MYO18A: variants seen among roughly 807,000 people sequenced by gnomAD.
The protein encoded by MYO18A is unconventional myosin-XVIIIa.
In MYO18A, 78 loss-of-function variants were observed where a neutral mutation model predicts 235.8. The ratio of observed to expected loss-of-function variants is 0.33; its 90% CI spans 0.28 to 0.40. MYO18A has a LOEUF of 0.40. Among genes scored for constraint, MYO18A ranks in the 10% least tolerant of loss-of-function variants. The pLI is 1.00. For synonymous variants in MYO18A, 977 were observed against 1,077.8 expected, an observed-to-expected ratio of 0.91 and a Z score of 1.83; for missense variants, 2,215 against 2,699.3, an observed-to-expected ratio of 0.82 and a Z score of 3.98.
At position 29,119,344 on chromosome 17, in the gene MYO18A, C is replaced by T. The variant is rs1388973985; in HGVS notation, c.1820G>A (p.Gly607Asp). 2.5e-6 allele frequency: 4 copies of T among 1,611,484 alleles called. No homozygotes were observed. Among genetic ancestry groups the T allele is most frequent in the South Asian group, 2.2e-5 (2 of 90,560 alleles). ...VFYYLLACGDGTLRTELHLNH... is the reference protein window; with the variant it reads ...VFYYLLACGDDTLRTELHLNH... ...CTCTGACCCATCTCACCTGAGGGTG[C>T]CATCCCCACAGGCCAGCAGGTAGTA... Residue 607 changes from glycine (G) to aspartate (D), a missense_variant, in exon 8 of 42, where the codon GGC becomes GAC. Gly to Asp is a moderately conservative substitution (Grantham distance 94). Transcript: ENST00000527372.
intron 40 of MYO18A, among the ~76,000 whole-genome samples, chr17:29,083,532 GCACA>G (rs57491599): frequency 2.0e-4 from 29 of 144,652 alleles, no homozygotes; most frequent in African/African-American, 5.1e-4. Flanking sequence ...GCGCGCGCGC[GCACA>G]CACACACACA....
Position 29,126,521 on chromosome 17 carries a change from C to T in MYO18A, c.1000-4268G>A, listed in dbSNP as rs900864929. On this transcript the variant is annotated intron_variant, in intron 2 of 41. Coordinates refer to ENST00000527372, the MANE Select transcript of MYO18A (RefSeq NM_078471.4). The surrounding 1 kb of genome is among the most constrained non-coding windows in gnomAD (Gnocchi z 4.1). Reference sequence around the variant, plus strand: ...GGTGGGTGGGGGAAGCGGCGGCTGGCTTTTCTCTAAGTGCTGCAATGCCCA... The same window carrying T: ...GGTGGGTGGGGGAAGCGGCGGCTGGTTTTTCTCTAAGTGCTGCAATGCCCA... Among the ~76,000 whole-genome samples the T allele has an allele frequency of 2.6e-5, 4 of 152,102 alleles. No homozygotes were observed. Among genetic ancestry groups the T allele is most frequent in the Non-Finnish European group, 4.4e-5 (3 of 68,006 alleles).
At chr17:29,098,466 C>A (rs201239938) in intron 23 of MYO18A, 21 bp from the exon 24 acceptor site, 533 of 1,613,012 alleles carry the variant, frequency 3.3e-4, no homozygotes, top group Admixed American at 4.7e-4. Flanking sequence ...CCAAAGAGGG[C>A]AAAGTGAGCC....
At chr17:29,142,629 A>C (rs1041137094) in intron 2 of MYO18A, among the ~76,000 whole-genome samples, 2 of 152,182 alleles carry the variant, frequency 1.3e-5, no homozygotes, top group East Asian at 3.8e-4. Context: ...CTGTGTTTTA[A>C]CTAGGCTTCC....
rs550463529 is a variant in MYO18A, at chr17:29,104,887, A to G, written c.3442-1223T>C. ...GAATTCAAGTAACAGAGGGATAGTA[A>G]AGTGCCAGTTGGGCCAGGCGCGGTG... On this transcript the variant is annotated intron_variant, in intron 20 of 41. Transcript: ENST00000527372. Among the ~76,000 whole-genome samples the G allele has an allele frequency of 3.3e-5, 5 of 152,140 alleles. No homozygotes were observed. The East Asian group carries it at 9.7e-4, about 29-fold the overall frequency.
At position 29,111,967 on chromosome 17, in the gene MYO18A, ACACATGCACACACG is replaced by A. The variant is rs2066940087; in HGVS notation, c.2599-118_2599-105del. 1 of 1,349,124 alleles carries A rather than the reference ACACATGCACACACG, an allele frequency of 7.4e-7. No homozygotes were observed. Among genetic ancestry groups the A allele is most frequent in the Admixed American group, 2.3e-5 (1 of 43,774 alleles). 83.6% of individuals were successfully genotyped at this position (1,349,124 alleles called of 1,614,324 possible). On this transcript the variant is annotated intron_variant, in intron 15 of 41. Coordinates refer to ENST00000527372, the MANE Select transcript of MYO18A (RefSeq NM_078471.4). This position sits in a 1 kb window ranked among gnomAD's most constrained non-coding sequence, Gnocchi z 5.1. The stretch of plus-strand genomic sequence containing the variant: ...ACCCTACAGAATGCTACACATGTGC[ACACATGCACACACG>A]CACATGCCGCAGCTCCTGCCGCTCA...
intron 1 of MYO18A, among the ~76,000 whole-genome samples, chr17:29,172,625 TTTAA>T (rs1335935621): frequency 2.0e-5 from 3 of 152,182 alleles, no homozygotes; most frequent in African/African-American, 7.2e-5. Flanking sequence ...ATGAAATATA[TTTAA>T]TTACCCTCAG....
At chr17:29,116,315 G>A in intron 11 of MYO18A, 129 bp downstream of exon 11, 1 of 1,034,836 alleles carries the variant, frequency 9.7e-7, no homozygotes. Context: ...AACACCCACT[G>A]ATGGCCCAAC....
At chr17:29,136,251 ATATATATAT>A (rs1322072308) in intron 2 of MYO18A, among the ~76,000 whole-genome samples, 2 of 66,230 alleles carry the variant, frequency 3.0e-5, no homozygotes, top group African/African-American at 1.3e-4. Flanking sequence ...AAAAAAAAAA[ATATATATAT>A]ATATATATAT....
chr17:29,148,459 A>G (rs2067894161), intron 2 of MYO18A, among the ~76,000 whole-genome samples: 1 of 152,212 alleles, frequency 6.6e-6, no homozygotes, highest in South Asian at 2.1e-4. Flanking sequence ...CACTTCCAGG[A>G]TGACCACTTC....
At chr17:29,093,153 G>T (rs1056524930) in intron 32 of MYO18A, among the ~76,000 whole-genome samples, 152 bp from the exon 33 acceptor site, 2 of 152,160 alleles carry the variant, frequency 1.3e-5, no homozygotes, top group Admixed American at 6.5e-5. Flanking sequence ...AAAGGGCTGG[G>T]TGTGCCAATG....
At chr17:29,101,148 C>G (rs1030413219) in intron 21 of MYO18A, among the ~76,000 whole-genome samples, 1 of 149,800 alleles carries the variant, frequency 6.7e-6, no homozygotes, top group African/African-American at 2.5e-5. Context: ...CAGGTGTGCA[C>G]CACCATTCCC....
Position 29,095,024 on chromosome 17 carries a change from GCCT to G in MYO18A, c.4418_4420del (p.Glu1473del), listed in dbSNP as rs1231279562. 3 of 1,572,996 alleles carry G rather than the reference GCCT, an allele frequency of 1.9e-6. No homozygotes were observed. The stretch of plus-strand genomic sequence containing the variant: ...CTCCCGCTGCAGCTTCTCCCGCTGG[GCCT>G]CCTCATGCGCCTGCGAGAGCTCACT... On this transcript the variant is annotated inframe_deletion, in exon 29 of 42. Coordinates refer to ENST00000527372, the MANE Select transcript of MYO18A (RefSeq NM_078471.4).
chr17:29,101,194 C>T (rs958221811), intron 21 of MYO18A, among the ~76,000 whole-genome samples: 1 of 151,652 alleles, frequency 6.6e-6, no homozygotes, highest in Non-Finnish European at 1.5e-5. Context: ...GATGGGGTCT[C>T]CCTATGTTGC....
At position 29,085,606 on chromosome 17, in the gene MYO18A, TTTA is replaced by T; in HGVS notation, c.5892_5894del (p.Asn1964del). The stretch of plus-strand genomic sequence containing the variant: ...AGCACATGCGCTCCAGTCCTCACAG[TTTA>T]TTCTTTCTTTTCTGATACTTTGTCA... On this transcript the variant is annotated inframe_deletion, in exon 40 of 42. Coordinates refer to ENST00000527372, the MANE Select transcript of MYO18A (RefSeq NM_078471.4). 6.2e-7 allele frequency: 1 copy of T among 1,613,890 alleles called. No individual in the cohort carries two copies. Among genetic ancestry groups the T allele is most frequent in the South Asian group, 1.1e-5 (1 of 91,078 alleles).
intron 1 of MYO18A, among the ~76,000 whole-genome samples, chr17:29,179,388 T>C (rs2068600004): frequency 6.7e-6 from 1 of 150,212 alleles, no homozygotes; most frequent in Admixed American, 6.7e-5. Flanking sequence ...ATGCCTGGCC[T>C]GTCCCTGCGG....
chr17:29,136,181 A>G (rs1321888415), intron 2 of MYO18A, among the ~76,000 whole-genome samples: 14 of 150,846 alleles, frequency 9.3e-5, no homozygotes, highest in African/African-American at 3.2e-4. Flanking sequence ...GTGAGCAGAG[A>G]TCGCAATACT....
Position 29,121,801 on chromosome 17 carries a change from C to A in MYO18A, c.1194+50G>T. The A allele has an allele frequency of 6.2e-7, 1 of 1,611,928 alleles. No homozygotes were observed. The highest frequency in any genetic ancestry group is 8.5e-7 in the Non-Finnish European group (1 of 1,178,732). On this transcript the variant is annotated intron_variant, in intron 4 of 41. Transcript: ENST00000527372. The surrounding 1 kb of genome is among the most constrained non-coding windows in gnomAD (Gnocchi z 4.2). ...TGCCAGAGGATGGGCCTGCCCTGCC[C>A]AGTGCACTCCTGAGCCTCCTCCCCC...
chr17:29,126,010 G>A lies in MYO18A; in HGVS notation c.1000-3757C>T, dbSNP rs1015336252. ...ATTAGTCCCAGCCCAGAAATGGAGA[G>A]GCCACAGCATGCGGAGCTCCCAGCC... On this transcript the variant is annotated intron_variant, in intron 2 of 41. Coordinates refer to ENST00000527372, the MANE Select transcript of MYO18A (RefSeq NM_078471.4). This position sits in a 1 kb window ranked among gnomAD's most constrained non-coding sequence, Gnocchi z 4.1. The A allele has an allele frequency of 5.2e-6, 5 of 970,446 alleles. No homozygotes were observed. In the East Asian group the frequency reaches 3.4e-4, roughly 67 times the overall value. 60.1% of individuals were successfully genotyped at this position (970,446 alleles called of 1,614,324 possible).
Sources: gnomAD v4.1 joint callset for allele counts (sites outside exome capture counted in the v4.1 genomes callset) on GRCh38, gnomAD v4.1.1 for gene constraint, Gnocchi (gnomAD v3.1) non-coding constraint, MANE v1.5 for transcripts, NCBI Gene and HGNC (gene_info 2026-07-23, HGNC 2026-07-21) for gene names.